Variants in ZFP64 observed in about 807,000 individuals in gnomAD.
ZFP64 encodes zinc finger protein 64.
Under a neutral mutation model 51.6 loss-of-function variants are expected in ZFP64, and 14 were observed. That is an observed-to-expected ratio of 0.27 (90% CI 0.18 to 0.42). The LOEUF (loss-of-function observed/expected upper bound fraction) is 0.42, where lower values mean the gene tolerates loss of function less well. ZFP64 is among the 10% of genes least tolerant of loss of function. The pLI, the probability that ZFP64 is intolerant of heterozygous loss-of-function variation, is 1.00. For synonymous variants in ZFP64, 375 were observed against 361.4 expected, an observed-to-expected ratio of 1.04 and a Z score of -0.43; for missense variants, 754 against 906.8, an observed-to-expected ratio of 0.83 and a Z score of 2.16.
intron 6 of ZFP64, among the ~76,000 whole-genome samples, chr20:52,097,749 C>T (rs1046475440): frequency 1.3e-4 from 20 of 152,112 alleles, no homozygotes; most frequent in Admixed American, 1.3e-4. Context: ...TGTGAGCCAC[C>T]ATGCCTGGCC....
intron 4 of ZFP64, among the ~76,000 whole-genome samples, chr20:52,164,000 A>G (rs1982037893): frequency 6.6e-6 from 1 of 152,242 alleles, no homozygotes; most frequent in African/African-American, 2.4e-5. Context: ...TCAGTGATAT[A>G]ACATAAAGAT....
chr20:52,096,145 C>G (rs1169466687), intron 7 of ZFP64, among the ~76,000 whole-genome samples: 1 of 152,246 alleles, frequency 6.6e-6, no homozygotes, highest in East Asian at 1.9e-4. Context: ...TCTCTGTCCT[C>G]TCAGTGAAGG....
chr20:52,163,088 C>T (rs182215113), intron 4 of ZFP64, among the ~76,000 whole-genome samples: 2 of 152,284 alleles, frequency 1.3e-5, no homozygotes, highest in East Asian at 1.9e-4. Context: ...CAGCCAGATG[C>T]GGTAGCCCAC....
Position 52,152,318 on chromosome 20 carries a change from G to C in ZFP64, c.1874C>G (p.Thr625Arg). The C allele has an allele frequency of 6.2e-7, 1 of 1,614,174 alleles. No individual in the cohort carries two copies. Among genetic ancestry groups the C allele is most frequent in the Non-Finnish European group, 8.5e-7 (1 of 1,180,040 alleles). ...ATCGCTCACCACTGTCACTTCTGCT[G>C]TCCCCTCCTGAATCAAGGCGTTTAG... ...EGLNALIQEGTAEVTVVSDGG... is the reference protein window; with the variant it reads ...EGLNALIQEGRAEVTVVSDGG... Residue 625 changes from threonine (T) to arginine (R), a missense_variant, in exon 6 of 6, where the codon ACA becomes AGA. Transcript: ENST00000216923.
Position 52,153,544 on chromosome 20 carries a change from C to A in ZFP64, c.764-116G>T. On this transcript the variant is annotated intron_variant, in intron 5 of 5. Coordinates refer to ENST00000216923, the MANE Select transcript of ZFP64 (RefSeq NM_018197.3). This position sits in a 1 kb window ranked among gnomAD's most constrained non-coding sequence, Gnocchi z 5.1. The stretch of plus-strand genomic sequence containing the variant: ...AGGTGGGTGGGTGCAGACCTCCTAA[C>A]TGCAGCTTCTAGCAGCCCCTGGCAG... The A allele has an allele frequency of 7.1e-7, 1 of 1,412,262 alleles. No individual in the cohort carries two copies. The highest frequency in any genetic ancestry group is 9.3e-7 in the Non-Finnish European group (1 of 1,074,012). 87.5% of individuals were successfully genotyped at this position (1,412,262 alleles called of 1,614,324 possible).
chr20:52,084,360 G>A (rs1432070443), exon 9 of ZFP64: 7 of 583,726 alleles, frequency 1.2e-5, no homozygotes, highest in Admixed American at 6.1e-5. Flanking sequence ...AGACAAATGC[G>A]AGGAGTGTCT....
intron 5 of ZFP64, chr20:52,104,900 T>A: frequency 4.5e-6 from 3 of 667,658 alleles, no homozygotes; most frequent in Non-Finnish European, 8.1e-6. Flanking sequence ...GACTAGCTCT[T>A]GAGAGGAGTG....
chr20:52,095,104 G>C (rs1174062602), intron 7 of ZFP64, among the ~76,000 whole-genome samples: 1 of 152,242 alleles, frequency 6.6e-6, no homozygotes. Flanking sequence ...CCACAGGTTA[G>C]AATCCCTGCC....
chr20:52,182,016 C>T (rs1282513207), intron 2 of ZFP64, among the ~76,000 whole-genome samples: 1 of 152,186 alleles, frequency 6.6e-6, no homozygotes, highest in Non-Finnish European at 1.5e-5. Flanking sequence ...CATCCTTTCG[C>T]CACCTGTTTA....
chr20:52,085,820 G>T lies in ZFP64; in HGVS notation c.1229-554C>A, dbSNP rs2078858416. 6.6e-6 allele frequency among the ~76,000 whole-genome samples: 1 copy of T among 152,094 alleles called. No homozygotes were observed. On this transcript the variant is annotated intron_variant, in intron 8 of 8. Transcript: ENST00000361387. The surrounding 1 kb of genome is among the most constrained non-coding windows in gnomAD (Gnocchi z 4.3). Reference sequence around the variant, plus strand: ...TATTAATGCATAATTATGGCAGCAGGGGACAAATAATAAAGAGCCATGGTC... The same window carrying T: ...TATTAATGCATAATTATGGCAGCAGTGGACAAATAATAAAGAGCCATGGTC...
intron 5 of ZFP64, among the ~76,000 whole-genome samples, chr20:52,103,363 C>T (rs2079074080): frequency 6.6e-6 from 1 of 152,130 alleles, no homozygotes; most frequent in African/African-American, 2.4e-5. Context: ...AAAAATGTAC[C>T]CCCTTGCCAG....
chr20:52,102,242 T>TGG (rs1387884683), intron 5 of ZFP64, among the ~76,000 whole-genome samples: 8 of 151,954 alleles, frequency 5.3e-5, no homozygotes, highest in Admixed American at 5.3e-4. Context: ...TCACAGCCAG[T>TGG]GGTTCTCAGA....
At chr20:52,088,648 A>G in intron 7 of ZFP64, 1 of 1,614,028 alleles carries the variant, frequency 6.2e-7, no homozygotes, top group South Asian at 1.1e-5. Context: ...TGTCTCCTTC[A>G]AACACATAAG....
chr20:52,173,195 C>T (rs539665411), intron 2 of ZFP64, among the ~76,000 whole-genome samples: 2 of 152,272 alleles, frequency 1.3e-5, no homozygotes, highest in East Asian at 3.9e-4. Flanking sequence ...TTCCATTTAA[C>T]AAATCCTTTT....
intron 5 of ZFP64, chr20:52,105,129 C>A: frequency 7.0e-7 from 1 of 1,422,326 alleles, no homozygotes; most frequent in Non-Finnish European, 9.1e-7. Context: ...CGGCGCTACT[C>A]ACCCGGCTCC....
Position 52,186,857 on chromosome 20 carries a change from G to A in ZFP64, c.261C>T (p.Ile87=), listed in dbSNP as rs556056541. The A allele has an allele frequency of 3.1e-6, 5 of 1,611,468 alleles. No individual in the cohort carries two copies. The South Asian group carries it at 3.3e-5, about 11-fold the overall frequency. ...CTGTGATTGTCTGGGTCTCCGAGGTGATGGTTCTGGTGGTGGTCTGAGTCT... is the reference window on the plus strand; with the variant it reads ...CTGTGATTGTCTGGGTCTCCGAGGTAATGGTTCTGGTGGTGGTCTGAGTCT... ...ATQTQTTTRT[I]TSETQTITVS... The change falls in exon 2 of 6, where the codon ATC becomes ATT. Residue 87 remains isoleucine (I), a synonymous_variant. Coordinates refer to ENST00000216923, the MANE Select transcript of ZFP64 (RefSeq NM_018197.3).
Position 52,191,040 on chromosome 20 carries a change from T to C in ZFP64, c.46+551A>G, listed in dbSNP as rs1365808461. Among the ~76,000 whole-genome samples, 1 of 152,030 alleles carries C rather than the reference T, an allele frequency of 6.6e-6. No homozygotes were observed. The highest frequency in any genetic ancestry group is 1.9e-4 in the East Asian group (1 of 5,174). ...GAAAAACGCTGATGTCCTCCTCGGT[T>C]AAATAAAAACTGAACCCCAAACCCA... On this transcript the variant is annotated intron_variant, in intron 1 of 5. Transcript: ENST00000216923. This position sits in a 1 kb window ranked among gnomAD's most constrained non-coding sequence, Gnocchi z 4.3.
chr20:52,166,143 C>A, intron 2 of ZFP64, 118 bp from the exon 3 acceptor site: 3 of 1,009,148 alleles, frequency 3.0e-6, no homozygotes, highest in Non-Finnish European at 2.8e-6. Flanking sequence ...GCCTCCCTTG[C>A]GGCTTCACAG....
rs374584963 is a variant in ZFP64, at chr20:52,151,673, A to G, written c.*473T>C. 44 of 991,912 alleles carry G rather than the reference A, an allele frequency of 4.4e-5. No homozygotes were observed. The East Asian group carries it at 3.5e-3, about 79-fold the overall frequency. The allele number at this position is 991,912 out of a possible 1,614,324, so 61.4% of individuals were successfully genotyped here. A position where few individuals can be genotyped will look rare whatever the true frequency, so the allele number is the denominator to read the frequency against. On this transcript the variant is annotated 3_prime_UTR_variant, in exon 6 of 6. Coordinates refer to ENST00000216923, the MANE Select transcript of ZFP64 (RefSeq NM_018197.3). ...TCAGAGGTGGTCTCAAAGTTGTTACAGTGTTAAAAAAATTATAGTAAGCAG... is the reference window on the plus strand; with the variant it reads ...TCAGAGGTGGTCTCAAAGTTGTTACGGTGTTAAAAAAATTATAGTAAGCAG...
Sources: allele counts gnomAD v4.1 joint callset (sites outside exome capture counted in the v4.1 genomes callset), GRCh38; gene constraint gnomAD v4.1.1; non-coding constraint Gnocchi (gnomAD v3.1); transcripts MANE v1.5; gene names NCBI Gene and HGNC (gene_info 2026-07-23, HGNC 2026-07-21).